Variants in FBN3 observed in about 807,000 individuals in gnomAD.
The protein encoded by FBN3 is fibrillin 3.
A neutral mutation model predicts 330.1 loss-of-function variants in FBN3; 234 were observed. That is an observed-to-expected ratio of 0.71 (90% CI 0.64 to 0.79). FBN3 has a LOEUF of 0.79. Ranked by LOEUF, FBN3 falls within the 30% of genes least tolerant of loss-of-function variation. The pLI is 0.00. For missense variants in FBN3, 3,606 were observed against 3,886.9 expected, an observed-to-expected ratio of 0.93 and a Z score of 1.92; for synonymous variants, 1,458 against 1,517.3, an observed-to-expected ratio of 0.96 and a Z score of 0.91.
At chr19:8,116,339 T>G (rs1357633336) in intron 29 of FBN3, among the ~76,000 whole-genome samples, 2 of 152,196 alleles carry the variant, frequency 1.3e-5, no homozygotes, top group Non-Finnish European at 2.9e-5. Context: ...TTGTCTTCAG[T>G]GATCTTAAAG....
chr19:8,117,335 G>A, intron 27 of FBN3, 44 bp from the exon 28 acceptor site: 1 of 1,507,716 alleles, frequency 6.6e-7, no homozygotes, highest in Non-Finnish European at 9.0e-7. Context: ...GGGGGGAGGG[G>A]TCCAGGATGG....
rs763895062 is a variant in FBN3 at position 8,096,076 on chromosome 19, A to G, written c.5544T>C (p.Ile1848=). ...CACAAGGCTGCCGGTCACACTCGTCAATGTCTGCAGAAGCAAAGCCGAGAG... is the reference window on the plus strand; with the variant it reads ...CACAAGGCTGCCGGTCACACTCGTCGATGTCTGCAGAAGCAAAGCCGAGAG... ...ASADQTLCMD[I]DECDRQPCGN... The change falls in exon 45 of 64, where the codon ATT becomes ATC. Residue 1848 remains isoleucine (I), a synonymous_variant. Coordinates refer to ENST00000600128, the MANE Select transcript of FBN3 (RefSeq NM_032447.5). The surrounding 1 kb of genome is among the most constrained non-coding windows in gnomAD (Gnocchi z 4.6). 1 of 1,612,990 alleles carries G rather than the reference A, an allele frequency of 6.2e-7. No homozygotes were observed. Among genetic ancestry groups the G allele is most frequent in the East Asian group, 2.2e-5 (1 of 44,876 alleles).
intron 48 of FBN3, 139 bp downstream of exon 48, chr19:8,091,326 C>G: frequency 8.6e-7 from 1 of 1,169,160 alleles, no homozygotes; most frequent in Non-Finnish European, 1.2e-6. Context: ...TAGGATAACT[C>G]TGCTAATGCA....
chr19:8,139,391 A>C (rs1030717137), intron 8 of FBN3, among the ~76,000 whole-genome samples: 1 of 152,114 alleles, frequency 6.6e-6, no homozygotes, highest in Non-Finnish European at 1.5e-5. Flanking sequence ...CATATGGCCA[A>C]TGCTCGCTCA....
intron 13 of FBN3, among the ~76,000 whole-genome samples, chr19:8,133,782 G>C (rs1262312737): frequency 1.3e-5 from 2 of 152,022 alleles, no homozygotes; most frequent in African/African-American, 4.8e-5. Context: ...TTAAATTTAG[G>C]TTGTGTGAAT....
At chr19:8,148,521 C>A (rs756678925) in intron 1 of FBN3, among the ~76,000 whole-genome samples, 11 of 152,192 alleles carry the variant, frequency 7.2e-5, no homozygotes, top group Non-Finnish European at 1.6e-4. Flanking sequence ...CTCGCTCCTG[C>A]CCCCCTTGGC....
At chr19:8,124,748 C>T (rs1223943873) in intron 22 of FBN3, among the ~76,000 whole-genome samples, 3 of 151,816 alleles carry the variant, frequency 2.0e-5, no homozygotes, top group Non-Finnish European at 4.4e-5. Context: ...GTTTACCAGG[C>T]TGGTCTTGAA....
At chr19:8,117,727 T>TA in intron 26 of FBN3, 138 bp from the exon 27 acceptor site, 1 of 980,206 alleles carries the variant, frequency 1.0e-6, no homozygotes, top group Non-Finnish European at 1.5e-6. Flanking sequence ...TGCCTATCCG[T>TA]ACACTTGCAT....
chr19:8,095,607 T>G (rs1230574541), intron 45 of FBN3, 104 bp from the exon 46 acceptor site: 2 of 1,272,928 alleles, frequency 1.6e-6, no homozygotes, highest in African/African-American at 2.9e-5. Flanking sequence ...AGCATTGGCT[T>G]CAACTTGAGC....
rs2082569131 is a variant in FBN3 at position 8,111,044 on chromosome 19, G to GGGCCCAACCTTACCCTGGCA, written c.4204_4210+13dup. On this transcript the variant is annotated intron_variant, in intron 33 of 63. Transcript: ENST00000600128. ...TACCCACTCTGTCCTCTGCCCTGGCGGGCCCAACCTTACCCTGGCAGGCCC... is the reference window on the plus strand; with the variant it reads ...TACCCACTCTGTCCTCTGCCCTGGCGGGCCCAACCTTACCCTGGCAGGCCCAACCTTACCCTGGCAGGCCC... 1 of 1,613,142 alleles carries GGGCCCAACCTTACCCTGGCA rather than the reference G, an allele frequency of 6.2e-7. No individual in the cohort carries two copies. The highest frequency in any genetic ancestry group is 8.5e-7 in the Non-Finnish European group (1 of 1,179,514).
chr19:8,108,273 AT>A, intron 36 of FBN3, 35 bp from the exon 37 acceptor site: 1 of 1,565,156 alleles, frequency 6.4e-7, no homozygotes, highest in East Asian at 2.3e-5. Flanking sequence ...GAGGTGGGGT[AT>A]TGGGGCAAAG....
chr19:8,120,111 T>C (rs1264790180), intron 25 of FBN3, among the ~76,000 whole-genome samples: 2 of 151,770 alleles, frequency 1.3e-5, no homozygotes, highest in Non-Finnish European at 2.9e-5. Flanking sequence ...TAAGGGCTTC[T>C]GACAGTGGCA....
intron 3 of FBN3, among the ~76,000 whole-genome samples, chr19:8,146,745 T>A (rs1599459790): frequency 6.6e-6 from 1 of 151,072 alleles, no homozygotes; most frequent in East Asian, 1.9e-4. Flanking sequence ...GATGGGAAAA[T>A]CGCTTGAGGC....
Position 8,109,072 on chromosome 19 carries a change from C to T in FBN3, c.4618+155G>A, listed in dbSNP as rs2082515075. Reference sequence around the variant, plus strand: ...CCAGCCAATGAACTACCAAGACGTACACTGTGTGACCCAGGATGAGCCCCT... The same window carrying T: ...CCAGCCAATGAACTACCAAGACGTATACTGTGTGACCCAGGATGAGCCCCT... On this transcript the variant is annotated intron_variant, in intron 36 of 63. Coordinates refer to ENST00000600128, the MANE Select transcript of FBN3 (RefSeq NM_032447.5). This position sits in a 1 kb window ranked among gnomAD's most constrained non-coding sequence, Gnocchi z 5.2. Among the ~76,000 whole-genome samples the T allele has an allele frequency of 6.6e-6, 1 of 152,188 alleles. No individual in the cohort carries two copies. Among genetic ancestry groups the T allele is most frequent in the South Asian group, 2.1e-4 (1 of 4,836 alleles).
At position 8,147,064 on chromosome 19, in the gene FBN3, G is replaced by A. The variant is rs200855496; in HGVS notation, c.250+40C>T. On this transcript the variant is annotated intron_variant, in intron 3 of 63. Coordinates refer to ENST00000600128, the MANE Select transcript of FBN3 (RefSeq NM_032447.5). ...CCTGCAGGCAGGTAAGAGTGTCCCC[G>A]GCCTGTGCCCCCCCACCTCCAGACG... is the stretch of plus-strand genomic sequence containing the variant. 9.2e-6 allele frequency: 14 copies of A among 1,517,304 alleles called. No homozygotes were observed. In the Admixed American group the frequency reaches 1.2e-4, roughly 13 times the overall value. The allele number at this position is 1,517,304 out of a possible 1,614,324, so 94.0% of individuals were successfully genotyped here.
At chr19:8,143,139 G>T (rs1381511979) in intron 6 of FBN3, among the ~76,000 whole-genome samples, 1 of 152,080 alleles carries the variant, frequency 6.6e-6, no homozygotes, top group Admixed American at 6.6e-5. Context: ...TGTGGGCTCG[G>T]TTTTTTCTGT....
At chr19:8,111,601 G>T in intron 32 of FBN3, 47 bp downstream of exon 32, 2 of 1,414,972 alleles carry the variant, frequency 1.4e-6, no homozygotes, top group East Asian at 2.5e-5. Flanking sequence ...TTCAGCCCCC[G>T]TGGCTGTCCC....
At chr19:8,067,273 C>T (rs1157622062) in intron 63 of FBN3, among the ~76,000 whole-genome samples, 1 of 151,962 alleles carries the variant, frequency 6.6e-6, no homozygotes, top group Admixed American at 6.6e-5. Flanking sequence ...TTACAGGTGC[C>T]TGCCATCATG....
At chr19:8,120,613 C>A (rs188651975) in intron 25 of FBN3, among the ~76,000 whole-genome samples, 30 of 152,046 alleles carry the variant, frequency 2.0e-4, no homozygotes, top group African/African-American at 6.5e-4. Flanking sequence ...CTCAGCCTCC[C>A]GAGTAGCACG....
Sources: gnomAD v4.1 joint callset for allele counts (sites outside exome capture counted in the v4.1 genomes callset) on GRCh38, gnomAD v4.1.1 for gene constraint, Gnocchi (gnomAD v3.1) non-coding constraint, MANE v1.5 for transcripts, NCBI Gene and HGNC (gene_info 2026-07-23, HGNC 2026-07-21) for gene names.